TPX2: variants seen among roughly 807,000 people sequenced by gnomAD.
The protein encoded by TPX2 is TPX2 microtubule nucleation factor, also known as targeting protein for Xklp2.
In TPX2, 21 loss-of-function variants were observed where a neutral mutation model predicts 93.6. That is an observed-to-expected ratio of 0.22 (90% CI 0.16 to 0.32). TPX2 has a LOEUF of 0.32. Among genes scored for constraint, TPX2 ranks in the 10% least tolerant of loss-of-function variants. The probability of loss-of-function intolerance (pLI) is 1.00; values close to 1 mark genes in which losing one functional copy is unlikely to be tolerated. For synonymous variants in TPX2, 281 were observed against 298.3 expected (o/e 0.94, Z 0.60); for missense variants, 776 against 871.1 (o/e 0.89, Z 1.37).
At chr20:31,790,888 A>G (rs1219375102) in intron 12 of TPX2, among the ~76,000 whole-genome samples, 1 of 152,188 alleles carries the variant, frequency 6.6e-6, no homozygotes, top group East Asian at 1.9e-4. Context: ...ATAAAACCAT[A>G]TACAATGGGA....
rs553571881 is a variant in TPX2 at position 31,792,853 on chromosome 20, G to C, written c.1509+23G>C. The C allele has an allele frequency of 2.5e-6, 4 of 1,605,820 alleles. No individual in the cohort carries two copies. In the South Asian group the frequency reaches 4.4e-5, roughly 18 times the overall value. ...GAGGTGATTCCCTGGGAGTAGGGGG[G>C]TTCTTTTTCCTTCTATATAGTCAGT... On this transcript the variant is annotated intron_variant, in intron 13 of 17. Transcript: ENST00000300403.
At chr20:31,791,105 C>T (rs2062097685) in intron 12 of TPX2, among the ~76,000 whole-genome samples, 1 of 151,872 alleles carries the variant, frequency 6.6e-6, no homozygotes, top group African/African-American at 2.4e-5. Flanking sequence ...GTGGTTGCAA[C>T]GTGATATGTA....
intron 1 of TPX2, among the ~76,000 whole-genome samples, chr20:31,741,416 A>G (rs2061752390): frequency 6.6e-6 from 1 of 151,682 alleles, no homozygotes; most frequent in African/African-American, 2.4e-5. Flanking sequence ...TGTTCAAGCA[A>G]TTCTCCTACC....
chr20:31,760,274 C>A, intron 4 of TPX2, 95 bp downstream of exon 4: 2 of 1,496,792 alleles, frequency 1.3e-6, no homozygotes, highest in Admixed American at 2.1e-5. Flanking sequence ...AATGCTCTAT[C>A]TCTTTGTTTA....
intron 2 of TPX2, among the ~76,000 whole-genome samples, chr20:31,750,720 A>G (rs1003957798): frequency 1.3e-5 from 2 of 152,132 alleles, no homozygotes; most frequent in African/African-American, 4.8e-5. Flanking sequence ...AGAATATGTA[A>G]CATTTGGGTA....
At chr20:31,784,271 T>C (rs185101762) in intron 12 of TPX2, among the ~76,000 whole-genome samples, 1 of 152,354 alleles carries the variant, frequency 6.6e-6, no homozygotes, top group East Asian at 1.9e-4. Flanking sequence ...GTAATAGTTA[T>C]TGTGTTGCTA....
At chr20:31,780,316 T>A (rs2062025583) in intron 10 of TPX2, among the ~76,000 whole-genome samples, 1 of 152,156 alleles carries the variant, frequency 6.6e-6, no homozygotes, top group Non-Finnish European at 1.5e-5. Context: ...CCTCCCAAAG[T>A]GCTGTGATTA....
At chr20:31,745,818 C>T (rs1250091379) in intron 2 of TPX2, among the ~76,000 whole-genome samples, 1 of 152,182 alleles carries the variant, frequency 6.6e-6, no homozygotes, top group Non-Finnish European at 1.5e-5. Flanking sequence ...TGGGTTTCTA[C>T]TAAGATTTCC....
intron 5 of TPX2, among the ~76,000 whole-genome samples, chr20:31,768,822 C>T (rs2061945412): frequency 6.6e-6 from 1 of 152,010 alleles, no homozygotes; most frequent in South Asian, 2.1e-4. Flanking sequence ...AACCAAATGG[C>T]CGATACACAT....
At position 31,797,392 on chromosome 20, in the gene TPX2, T is replaced by G; in HGVS notation, c.1834-12T>G. 1 of 1,613,818 alleles carries G rather than the reference T, an allele frequency of 6.2e-7. No individual in the cohort carries two copies. Among genetic ancestry groups the G allele is most frequent in the South Asian group, 1.1e-5 (1 of 91,054 alleles). On this transcript the variant is annotated splice_polypyrimidine_tract_variant and intron_variant, in intron 15 of 17. Coordinates refer to ENST00000300403, the MANE Select transcript of TPX2 (RefSeq NM_012112.5). ...GAGACATTGCTCATCTGACTGACTT[T>G]CTCTCTAATAGCTGGAAGAAGAACT... is the stretch of plus-strand genomic sequence containing the variant.
chr20:31,787,094 G>A (rs2062072149), intron 12 of TPX2, among the ~76,000 whole-genome samples: 1 of 151,542 alleles, frequency 6.6e-6, no homozygotes, highest in African/African-American at 2.4e-5. Context: ...ATTTTATTGA[G>A]TGCTTACATT....
chr20:31,749,197 C>T (rs967896407), intron 2 of TPX2, among the ~76,000 whole-genome samples: 4 of 152,046 alleles, frequency 2.6e-5, no homozygotes, highest in East Asian at 3.9e-4. Context: ...CCACCCGCCT[C>T]GGCCTCCCAA....
chr20:31,777,397 C>A (rs8121993), intron 8 of TPX2, 90 bp from the exon 9 acceptor site: 1 of 1,475,072 alleles, frequency 6.8e-7, no homozygotes, highest in South Asian at 1.4e-5. Flanking sequence ...TCCATGGTGA[C>A]AGAAATAGCA....
chr20:31,769,604 G>A (rs932124224), intron 5 of TPX2, among the ~76,000 whole-genome samples: 1 of 152,108 alleles, frequency 6.6e-6, no homozygotes, highest in African/African-American at 2.4e-5. Flanking sequence ...GATTACAGGC[G>A]TGAGCCACCG....
At chr20:31,789,057 C>T (rs1281065150) in intron 12 of TPX2, among the ~76,000 whole-genome samples, 1 of 152,106 alleles carries the variant, frequency 6.6e-6, no homozygotes, top group Non-Finnish European at 1.5e-5. Flanking sequence ...CATTTATCCA[C>T]CCACATTGCC....
At chr20:31,748,153 G>C (rs1332825157) in intron 2 of TPX2, among the ~76,000 whole-genome samples, 1 of 152,020 alleles carries the variant, frequency 6.6e-6, no homozygotes, top group Non-Finnish European at 1.5e-5. Context: ...CCAAAATATA[G>C]CTTAAAAGAA....
At chr20:31,794,160 GA>G (rs2062120513) in intron 14 of TPX2, 136 bp downstream of exon 14, 10 of 1,113,278 alleles carry the variant, frequency 9.0e-6, no homozygotes, top group Non-Finnish European at 1.0e-5. Context: ...ATATAAATGG[GA>G]CAAGTAATTT....
chr20:31,789,709 G>A (rs189468753), intron 12 of TPX2, among the ~76,000 whole-genome samples: 58 of 152,202 alleles, frequency 3.8e-4, no homozygotes, highest in African/African-American at 1.4e-3. Context: ...TGGAAGGGGG[G>A]CTGGGGTGTG....
chr20:31,796,413 A>G (rs2062139059), intron 15 of TPX2, among the ~76,000 whole-genome samples: 1 of 152,246 alleles, frequency 6.6e-6, no homozygotes, highest in South Asian at 2.1e-4. Context: ...AAATAATCAA[A>G]TATCTGCACA....
Sources: allele counts gnomAD v4.1 joint callset (sites outside exome capture counted in the v4.1 genomes callset), GRCh38; gene constraint gnomAD v4.1.1; transcripts MANE v1.5; gene names NCBI Gene and HGNC (gene_info 2026-07-23, HGNC 2026-07-21).